Variants in UPP1 observed in about 807,000 individuals in gnomAD.
UPP1 encodes UPase 1.
Under a neutral mutation model 29.6 loss-of-function variants are expected in UPP1, and 25 were observed. The observed-to-expected ratio is 0.85, with a 90% CI of 0.62 to 1.18. The LOEUF is 1.18. UPP1 is among the 50% of genes most tolerant of loss of function. The pLI is 0.00. For synonymous variants in UPP1, 165 were observed against 159.8 expected (o/e 1.03, Z -0.25); for missense variants, 368 against 410.4 (o/e 0.90, Z 0.89).
At chr7:48,092,035 T>C (rs992926840) in intron 2 of UPP1, among the ~76,000 whole-genome samples, 2 of 152,120 alleles carry the variant, frequency 1.3e-5, no homozygotes, top group African/African-American at 2.4e-5. Flanking sequence ...CACTCAGCAG[T>C]CTCTGATTCA....
chr7:48,093,169 A>T (rs1791938573), intron 2 of UPP1, among the ~76,000 whole-genome samples: 1 of 152,172 alleles, frequency 6.6e-6, no homozygotes, highest in African/African-American at 2.4e-5. Context: ...TGGTGGAGAG[A>T]TTTAAGGCAG....
intron 3 of UPP1, 125 bp from the exon 4 acceptor site, chr7:48,099,545 T>C (rs1050210834): frequency 4.7e-5 from 32 of 679,902 alleles, no homozygotes; most frequent in Admixed American, 9.8e-5. Flanking sequence ...TTGTCTTATC[T>C]CCGGGATCTG....
At chr7:48,102,857 A>G (rs918567938) in intron 5 of UPP1, among the ~76,000 whole-genome samples, 1 of 152,216 alleles carries the variant, frequency 6.6e-6, no homozygotes, top group Admixed American at 6.5e-5. Context: ...TCCTGTGTCC[A>G]GTGGGCTGAG....
At position 48,106,861 on chromosome 7, in the gene UPP1, T is replaced by C. The variant is rs779726943; in HGVS notation, c.437-12T>C. ...ACACCCTGCATATCTTGATGTCTGC[T>C]TTTTTCCTCAGGTCTGGAGCCCGGC... On this transcript the variant is annotated splice_polypyrimidine_tract_variant and intron_variant, in intron 6 of 8. Coordinates refer to ENST00000395564, the MANE Select transcript of UPP1 (RefSeq NM_003364.4). The C allele has an allele frequency of 4.5e-5, 72 of 1,613,152 alleles. 2 individuals are homozygous for C. The highest frequency in any genetic ancestry group is 4.7e-5 in the Non-Finnish European group (56 of 1,179,678).
chr7:48,089,528 G>A (rs965124454), intron 1 of UPP1, 110 bp downstream of exon 1: 5 of 153,360 alleles, frequency 3.3e-5, no homozygotes, highest in East Asian at 3.8e-4. Context: ...CGGAGGCTCT[G>A]GTGCACCTTG....
chr7:48,098,935 C>T (rs186863407), intron 3 of UPP1, among the ~76,000 whole-genome samples: 1 of 152,334 alleles, frequency 6.6e-6, no homozygotes, highest in Non-Finnish European at 1.5e-5. Flanking sequence ...TATTGGAACA[C>T]AGACACACTC....
intron 2 of UPP1, among the ~76,000 whole-genome samples, chr7:48,091,280 C>A (rs1385963280): frequency 7.2e-6 from 1 of 138,592 alleles, no homozygotes. Flanking sequence ...AAATCAAAAA[C>A]ATCTTCAGTT....
rs1264694797 is a variant in UPP1, at chr7:48,090,634, A to G, written c.-22+270A>G. Among the ~76,000 whole-genome samples, 3 of 152,206 alleles carry G rather than the reference A, an allele frequency of 2.0e-5. No individual in the cohort carries two copies. The East Asian group carries it at 5.8e-4, about 29-fold the overall frequency. On this transcript the variant is annotated intron_variant, in intron 2 of 8. Transcript: ENST00000395564. Reference sequence around the variant, plus strand: ...TTAAAAAACTTTGTGACTTCCTTGAATAGAAAGAATGTCTTACTCTGGATT... The same window carrying G: ...TTAAAAAACTTTGTGACTTCCTTGAGTAGAAAGAATGTCTTACTCTGGATT...
chr7:48,089,717 G>A (rs1464717906), intron 1 of UPP1: 1 of 152,214 alleles, frequency 6.6e-6, no homozygotes, highest in Non-Finnish European at 1.5e-5. Flanking sequence ...CCCGGCGACG[G>A]AGCGCGCGGG....
chr7:48,093,053 C>T (rs950291940), intron 2 of UPP1, among the ~76,000 whole-genome samples: 2 of 151,928 alleles, frequency 1.3e-5, no homozygotes, highest in Non-Finnish European at 2.9e-5. Context: ...AAAAAAAAAT[C>T]AACAACACCA....
chr7:48,105,189 C>CT (rs1268844347), intron 6 of UPP1: 2 of 152,608 alleles, frequency 1.3e-5, no homozygotes, highest in Non-Finnish European at 2.9e-5. Flanking sequence ...TGGAGGGGGC[C>CT]TGTGCGTCCC....
At chr7:48,094,853 G>A (rs1254674750) in intron 3 of UPP1, 26 bp downstream of exon 3, 4 of 1,611,522 alleles carry the variant, frequency 2.5e-6, no homozygotes, top group Non-Finnish European at 3.4e-6. Context: ...ATTCCAGGTT[G>A]GGTTGGGTGG....
At chr7:48,091,161 T>C (rs1791809411) in intron 2 of UPP1, among the ~76,000 whole-genome samples, 1 of 152,218 alleles carries the variant, frequency 6.6e-6, no homozygotes, top group East Asian at 1.9e-4. Context: ...CACATTTGCT[T>C]TTGAAATATG....
At chr7:48,089,919 G>C (rs2128806423) in intron 1 of UPP1, among the ~76,000 whole-genome samples, 1 of 152,318 alleles carries the variant, frequency 6.6e-6, no homozygotes, top group Non-Finnish European at 1.5e-5. Context: ...ACGAAGTGAT[G>C]TTTTGTCCCC....
At chr7:48,103,532 G>A in intron 6 of UPP1, 121 bp downstream of exon 6, 1 of 1,004,084 alleles carries the variant, frequency 1.0e-6, no homozygotes, top group Non-Finnish European at 1.5e-6. Context: ...TTGTTCAAGG[G>A]AAGCTTGTTA....
At chr7:48,102,414 C>T (rs1444246396) in intron 5 of UPP1, among the ~76,000 whole-genome samples, 1 of 152,186 alleles carries the variant, frequency 6.6e-6, no homozygotes, top group East Asian at 1.9e-4. Flanking sequence ...ACAGAAATCT[C>T]CAGATTCTAC....
Sources: allele counts gnomAD v4.1 joint callset (sites outside exome capture counted in the v4.1 genomes callset), GRCh38; gene constraint gnomAD v4.1.1; transcripts MANE v1.5; gene names NCBI Gene and HGNC (gene_info 2026-07-23, HGNC 2026-07-21).